The following ZNF438 variants were observed in gnomAD, a reference collection of about 807,000 sequenced individuals.
The protein encoded by ZNF438 is zinc finger protein 438.
A neutral mutation model predicts 38.0 loss-of-function variants in ZNF438; 25 were observed. That is an observed-to-expected ratio of 0.66 (90% confidence interval 0.48 to 0.92). The LOEUF is 0.92. ZNF438 is among the 40% of genes least tolerant of loss of function. ZNF438 has a pLI of 0.00. For synonymous variants in ZNF438, 372 were observed against 364.1 expected (o/e 1.02, Z -0.25); for missense variants, 1,007 against 999.6 (o/e 1.01, Z -0.10).
intron 4 of ZNF438, among the ~76,000 whole-genome samples, chr10:30,868,834 G>A (rs2036905320): frequency 6.6e-6 from 1 of 152,200 alleles, no homozygotes; most frequent in Admixed American, 6.5e-5. Flanking sequence ...TGGAAGTGTT[G>A]TGTCCCACAG....
intron 2 of ZNF438, among the ~76,000 whole-genome samples, chr10:30,921,689 G>A (rs572377727): frequency 3.3e-5 from 5 of 151,590 alleles, no homozygotes; most frequent in South Asian, 2.1e-4. Flanking sequence ...ATGATTATGC[G>A]TATGATGGAT....
intron 3 of ZNF438, among the ~76,000 whole-genome samples, chr10:30,891,264 G>A (rs2040655956): frequency 6.6e-6 from 1 of 151,702 alleles, no homozygotes; most frequent in African/African-American, 2.4e-5. Flanking sequence ...TGAAATGTTG[G>A]GCTTCCCTGG....
At chr10:30,859,538 T>TTTAGACACACAG (rs2035237593) in intron 4 of ZNF438, among the ~76,000 whole-genome samples, 1 of 152,166 alleles carries the variant, frequency 6.6e-6, no homozygotes, top group African/African-American at 2.4e-5. Flanking sequence ...AGACTGTGTG[T>TTTAGACACACAG]TTTGGGGTTT....
chr10:31,027,883 G>T (rs1231331908), intron 1 of ZNF438, among the ~76,000 whole-genome samples: 2 of 151,938 alleles, frequency 1.3e-5, no homozygotes, highest in African/African-American at 4.8e-5. Flanking sequence ...TAAAAATTCT[G>T]AAATTAACCA....
At chr10:30,989,355 G>C (rs1000747655) in intron 1 of ZNF438, among the ~76,000 whole-genome samples, 1 of 152,032 alleles carries the variant, frequency 6.6e-6, no homozygotes, top group Non-Finnish European at 1.5e-5. Flanking sequence ...AGAGAGAAAG[G>C]GTTTTATTTT....
intron 3 of ZNF438, among the ~76,000 whole-genome samples, chr10:30,888,606 A>C (rs1287016601): frequency 1.3e-5 from 2 of 152,102 alleles, no homozygotes; most frequent in South Asian, 2.1e-4. Context: ...GCTCCCACTT[A>C]TAAGTGAGAA....
chr10:30,871,194 G>C (rs183208644), intron 4 of ZNF438, among the ~76,000 whole-genome samples: 92 of 152,302 alleles, frequency 6.0e-4, no homozygotes, highest in Middle Eastern at 3.4e-3. Context: ...AGCTGCAAGA[G>C]AGGAGCTTAG....
At chr10:30,861,450 G>GA (rs2035567475) in intron 4 of ZNF438, among the ~76,000 whole-genome samples, 1 of 152,002 alleles carries the variant, frequency 6.6e-6, no homozygotes. Flanking sequence ...GCTGCAAGAG[G>GA]AAACAAGCAT....
intron 1 of ZNF438, among the ~76,000 whole-genome samples, chr10:31,003,521 C>G (rs989160193): frequency 6.6e-6 from 1 of 152,154 alleles, no homozygotes; most frequent in South Asian, 2.1e-4. Flanking sequence ...AAAACCTGTT[C>G]CCTGCAAGTT....
rs544230137 is a variant in ZNF438, at chr10:30,876,487, T to A, written c.37+511A>T. Among the ~76,000 whole-genome samples the A allele has an allele frequency of 3.9e-5, 6 of 152,328 alleles. No homozygotes were observed. In the South Asian group the frequency reaches 1.2e-3, roughly 32 times the overall value. ...TGCCTGTTAAAAAATCATTATTTTATTTTTTATACATTGCAAAAAGTAAAA... is the reference window on the plus strand; with the variant it reads ...TGCCTGTTAAAAAATCATTATTTTAATTTTTATACATTGCAAAAAGTAAAA... On this transcript the variant is annotated intron_variant, in intron 4 of 5. Coordinates refer to ENST00000413025, the Ensembl canonical transcript of ZNF438.
intron 3 of ZNF438, among the ~76,000 whole-genome samples, chr10:30,894,614 A>C (rs894292477): frequency 6.6e-6 from 1 of 152,226 alleles, no homozygotes; most frequent in Non-Finnish European, 1.5e-5. Flanking sequence ...ATCTGTGTAG[A>C]ACTAACGATC....
intron 1 of ZNF438, among the ~76,000 whole-genome samples, chr10:30,949,205 G>A (rs1181104287): frequency 6.6e-6 from 1 of 151,672 alleles, no homozygotes; most frequent in Non-Finnish European, 1.5e-5. Context: ...AATGCTGAGA[G>A]ATTTTGTCAC....
At chr10:30,853,374 C>CT (rs1394843677) in intron 4 of ZNF438, among the ~76,000 whole-genome samples, 1 of 152,210 alleles carries the variant, frequency 6.6e-6, no homozygotes, top group African/African-American at 2.4e-5. Flanking sequence ...CCTGCAATGG[C>CT]TTAAAAGGCC....
intron 1 of ZNF438, among the ~76,000 whole-genome samples, chr10:30,969,241 G>A (rs2050481166): frequency 6.6e-6 from 1 of 151,982 alleles, no homozygotes; most frequent in South Asian, 2.1e-4. Flanking sequence ...CCAGAAGAGG[G>A]AACAAAAAAA....
chr10:30,995,400 C>T (rs970574177), intron 1 of ZNF438, among the ~76,000 whole-genome samples: 5 of 152,124 alleles, frequency 3.3e-5, no homozygotes, highest in Admixed American at 2.0e-4. Flanking sequence ...ACTCTAATAT[C>T]CAGCAATACT....
chr10:30,860,724 C>T (rs891233710), intron 4 of ZNF438, among the ~76,000 whole-genome samples: 9 of 152,224 alleles, frequency 5.9e-5, no homozygotes, highest in South Asian at 2.1e-4. Context: ...CAATTCAATG[C>T]GAATAGGGTT....
chr10:30,950,502 C>A (rs2048040446), intron 1 of ZNF438, among the ~76,000 whole-genome samples: 1 of 150,878 alleles, frequency 6.6e-6, no homozygotes, highest in Non-Finnish European at 1.5e-5. Flanking sequence ...AGACTGCTAG[C>A]AAGACTAATA....
At chr10:30,966,086 A>T (rs867691863) in intron 1 of ZNF438, among the ~76,000 whole-genome samples, 1 of 152,178 alleles carries the variant, frequency 6.6e-6, no homozygotes, top group Non-Finnish European at 1.5e-5. Context: ...ATTACCCAGC[A>T]CTTTGGAGGC....
At chr10:31,032,077 G>C (rs985737572), upstream of ZNF438, 2 of 152,284 alleles carry the variant, frequency 1.3e-5, no homozygotes, top group Admixed American at 1.3e-4. Context: ...GCCGACCGGG[G>C]CGCCTGCGGC....
Sources: allele counts gnomAD v4.1 joint callset (sites outside exome capture counted in the v4.1 genomes callset), GRCh38; gene constraint gnomAD v4.1.1; transcripts MANE v1.5; gene names NCBI Gene and HGNC (gene_info 2026-07-23, HGNC 2026-07-21).